The following CNTN1 variants were observed in gnomAD, a reference collection of about 807,000 sequenced individuals.
The protein encoded by CNTN1 is contactin 1.
A neutral mutation model predicts 126.4 loss-of-function variants in CNTN1; 38 were observed. The observed-to-expected ratio is 0.30, with a 90% CI of 0.23 to 0.39. The LOEUF is 0.39. Ranked by LOEUF, CNTN1 falls within the 10% of genes least tolerant of loss-of-function variation. The probability of loss-of-function intolerance (pLI) is 1.00; values close to 1 mark genes in which losing one functional copy is unlikely to be tolerated. For synonymous variants in CNTN1, 413 were observed against 422.6 expected (o/e 0.98, Z 0.28); for missense variants, 1,009 against 1,248.4 (o/e 0.81, Z 2.89).
intron 1 of CNTN1, among the ~76,000 whole-genome samples, chr12:40,769,434 C>T (rs1057445949): frequency 2.6e-5 from 4 of 151,912 alleles, no homozygotes; most frequent in African/African-American, 9.7e-5. Flanking sequence ...CTTGTGTTTG[C>T]CCATGGCCAA....
intron 1 of CNTN1, among the ~76,000 whole-genome samples, chr12:40,877,071 G>C (rs946907431): frequency 6.6e-6 from 1 of 152,100 alleles, no homozygotes; most frequent in Admixed American, 6.6e-5. Context: ...TTGTGAGTAT[G>C]AACTTTCCTG....
At chr12:40,894,849 G>A (rs953702456) in intron 1 of CNTN1, among the ~76,000 whole-genome samples, 13 of 152,108 alleles carry the variant, frequency 8.5e-5, no homozygotes, top group African/African-American at 3.1e-4. Context: ...CATTTCTAGA[G>A]AATTTGGTCC....
At chr12:40,950,793 G>A (rs578124710) in intron 14 of CNTN1, among the ~76,000 whole-genome samples, 1 of 152,160 alleles carries the variant, frequency 6.6e-6, no homozygotes, top group Admixed American at 6.5e-5. Context: ...AGTTGGGCTA[G>A]CTTCTTTTAA....
intron 1 of CNTN1, among the ~76,000 whole-genome samples, chr12:40,735,819 A>G (rs1210269310): frequency 6.6e-6 from 1 of 152,112 alleles, no homozygotes; most frequent in African/African-American, 2.4e-5. Flanking sequence ...GGGATGCTAA[A>G]GAGGAAAATC....
rs1212164532 is a variant in CNTN1, at chr12:41,013,309, TC to T, written c.2114-917del. Among the ~76,000 whole-genome samples, 15 of 152,258 alleles carry T rather than the reference TC, an allele frequency of 9.9e-5. No homozygotes were observed. In the South Asian group the frequency reaches 3.1e-3, roughly 32 times the overall value. On this transcript the variant is annotated intron_variant, in intron 17 of 23. Coordinates refer to ENST00000551295, the MANE Select transcript of CNTN1 (RefSeq NM_001843.4). The stretch of plus-strand genomic sequence containing the variant: ...ATCTTGAACATGTGTAGTCCATAGT[TC>T]CTGCCGGCATTCACCCGTTCAAGCT...
intron 1 of CNTN1, among the ~76,000 whole-genome samples, chr12:40,863,082 C>T (rs1943171282): frequency 6.6e-6 from 1 of 152,090 alleles, no homozygotes; most frequent in Admixed American, 6.5e-5. Context: ...TTCATGAGAG[C>T]ACTGTCCTAA....
At chr12:40,788,653 G>C (rs1180530879) in intron 1 of CNTN1, among the ~76,000 whole-genome samples, 1 of 152,110 alleles carries the variant, frequency 6.6e-6, no homozygotes, top group African/African-American at 2.4e-5. Flanking sequence ...ACCCAATCTT[G>C]AGGAGGCTTG....
rs541808410 is a variant in CNTN1 at position 40,927,579 on chromosome 12, T to A, written c.497-2217T>A. ...GCCATTCCTACCTTTGTTGTAACGA[T>A]TGCTGACAGATTCTAACAAATTGCA... On this transcript the variant is annotated intron_variant, in intron 6 of 23. Coordinates refer to ENST00000551295, the MANE Select transcript of CNTN1 (RefSeq NM_001843.4). 2.0e-5 allele frequency among the ~76,000 whole-genome samples: 3 copies of A among 152,236 alleles called. No individual in the cohort carries two copies. In the South Asian group the frequency reaches 6.2e-4, roughly 32 times the overall value.
intron 1 of CNTN1, among the ~76,000 whole-genome samples, chr12:40,706,223 C>T (rs1448024709): frequency 2.0e-5 from 3 of 151,310 alleles, no homozygotes; most frequent in African/African-American, 4.9e-5. Context: ...CCCATTAACT[C>T]GTCATTTACA....
At position 40,901,670 on chromosome 12, in the gene CNTN1, A is replaced by G. The variant is rs953825164; in HGVS notation, c.-76-6687A>G. 1.1e-4 allele frequency among the ~76,000 whole-genome samples: 16 copies of G among 152,326 alleles called. No homozygotes were observed. The East Asian group carries it at 2.5e-3, about 24-fold the overall frequency. On this transcript the variant is annotated intron_variant, in intron 1 of 23. Transcript: ENST00000551295. Reference sequence around the variant, plus strand: ...TGTTTGAGGGGCTAAGGCTGTTGCCATCTGAAGACCAATGCAGCTCTATCT... The same window carrying G: ...TGTTTGAGGGGCTAAGGCTGTTGCCGTCTGAAGACCAATGCAGCTCTATCT...
intron 6 of CNTN1, among the ~76,000 whole-genome samples, 176 bp downstream of exon 6, chr12:40,924,828 G>C (rs1945582227): frequency 1.4e-5 from 2 of 141,348 alleles, no homozygotes; most frequent in South Asian, 4.5e-4. Context: ...TTCTTTCTTG[G>C]CTCAGTCACC....
intron 1 of CNTN1, among the ~76,000 whole-genome samples, chr12:40,832,998 T>C (rs1941907695): frequency 6.6e-6 from 1 of 152,058 alleles, no homozygotes; most frequent in Non-Finnish European, 1.5e-5. Flanking sequence ...CCAGTTCTTC[T>C]CCATGTTGCT....
At chr12:40,926,600 C>G (rs1718387201) in intron 6 of CNTN1, among the ~76,000 whole-genome samples, 4 of 151,978 alleles carry the variant, frequency 2.6e-5, no homozygotes, top group African/African-American at 9.7e-5. Context: ...AAAGGTGACT[C>G]TGGTTACTGT....
At chr12:40,818,986 A>T (rs1941349828) in intron 1 of CNTN1, among the ~76,000 whole-genome samples, 1 of 152,074 alleles carries the variant, frequency 6.6e-6, no homozygotes, top group Non-Finnish European at 1.5e-5. Context: ...GGCCTTATTC[A>T]TCTGATTCAC....
intron 23 of CNTN1, among the ~76,000 whole-genome samples, chr12:41,030,983 G>C (rs1292639681): frequency 6.6e-6 from 1 of 152,154 alleles, no homozygotes; most frequent in African/African-American, 2.4e-5. Context: ...GGAAGGTAAA[G>C]CACAAATAAC....
chr12:40,861,192 A>G (rs1943105226), intron 1 of CNTN1, among the ~76,000 whole-genome samples: 1 of 152,166 alleles, frequency 6.6e-6, no homozygotes, highest in Admixed American at 6.6e-5. Flanking sequence ...CATTTGCCCC[A>G]ACTGAGTTGG....
chr12:40,833,165 G>C (rs1941918538), intron 1 of CNTN1, among the ~76,000 whole-genome samples: 1 of 152,044 alleles, frequency 6.6e-6, no homozygotes, highest in African/African-American at 2.4e-5. Flanking sequence ...TGCAATCTCG[G>C]CTCACTGCAA....
At chr12:40,914,365 C>A (rs372005264) in intron 3 of CNTN1, among the ~76,000 whole-genome samples, 2 of 152,290 alleles carry the variant, frequency 1.3e-5, no homozygotes, top group East Asian at 1.9e-4. Flanking sequence ...ACATGAGGAT[C>A]ATATTCAAGA....
rs962776358 is a variant in CNTN1 at position 40,892,954 on chromosome 12, C to CTGG, written c.-76-15402_-76-15400dup. Among the ~76,000 whole-genome samples, 50 of 91,022 alleles carry CTGG rather than the reference C, an allele frequency of 5.5e-4. 3 individuals carry two copies. The highest frequency in any genetic ancestry group is 3.3e-3 in the African/African-American group (49 of 14,918). The allele number at this position is 91,022 out of a possible 152,430, so 59.7% of individuals were successfully genotyped here. A position where few individuals can be genotyped will look rare whatever the true frequency, so the allele number is the denominator to read the frequency against. On this transcript the variant is annotated intron_variant, in intron 1 of 23. Transcript: ENST00000551295. Reference sequence around the variant, plus strand: ...AAATGGAACTCAAGAAAAATGAAAACTGGGGGGGGTGAATAAACAAATACA... The same window carrying CTGG: ...AAATGGAACTCAAGAAAAATGAAAACTGGTGGGGGGGGTGAATAAACAAATACA...
Sources: gnomAD v4.1 joint callset for allele counts (sites outside exome capture counted in the v4.1 genomes callset) on GRCh38, gnomAD v4.1.1 for gene constraint, MANE v1.5 for transcripts, NCBI Gene and HGNC (gene_info 2026-07-23, HGNC 2026-07-21) for gene names.